The following DGKD variants were observed in gnomAD, a reference collection of about 807,000 sequenced individuals.
DGKD encodes the protein DAG kinase delta.
Under a neutral mutation model 154.4 loss-of-function variants are expected in DGKD, and 68 were observed. The ratio of observed to expected loss-of-function variants is 0.44; its 90% CI spans 0.36 to 0.54. DGKD has a LOEUF of 0.54. Among genes scored for constraint, DGKD ranks in the 20% least tolerant of loss-of-function variants. The probability of loss-of-function intolerance (pLI) is 0.00; values close to 1 mark genes in which losing one functional copy is unlikely to be tolerated. For synonymous variants in DGKD, 693 were observed against 638.0 expected, an observed-to-expected ratio of 1.09 and a Z score of -1.30; for missense variants, 1,343 against 1,593.6, an observed-to-expected ratio of 0.84 and a Z score of 2.68.
Position 233,470,850 on chromosome 2 carries a change from G to T in DGKD, c.*1390G>T, listed in dbSNP as rs1011552136. The T allele has an allele frequency of 1.1e-4, 16 of 152,250 alleles. No homozygotes were observed. Among genetic ancestry groups the T allele is most frequent in the African/African-American group, 3.9e-4 (16 of 41,398 alleles). 9.4% of individuals were successfully genotyped at this position (152,250 alleles called of 1,614,324 possible). A position where few individuals can be genotyped will look rare whatever the true frequency, so the allele number is the denominator to read the frequency against. ...GACAGTGTTGGGAGTATCTGCCGTGGCTTCTCTTTGGCTCCCAAAGAGAAG... is the reference window on the plus strand; with the variant it reads ...GACAGTGTTGGGAGTATCTGCCGTGTCTTCTCTTTGGCTCCCAAAGAGAAG... On this transcript the variant is annotated 3_prime_UTR_variant, in exon 30 of 30. Transcript: ENST00000264057.
chr2:233,453,240 T>G (rs886655270), intron 18 of DGKD, among the ~76,000 whole-genome samples: 1 of 152,260 alleles, frequency 6.6e-6, no homozygotes, highest in East Asian at 1.9e-4. Flanking sequence ...TGGGCCGTAT[T>G]GTGTGGGCCC....
rs1320257930 is a variant in DGKD, at chr2:233,469,467, T to C, written c.*7T>C. The C allele has an allele frequency of 1.3e-6, 2 of 1,590,198 alleles. No individual in the cohort carries two copies. The highest frequency in any genetic ancestry group is 1.7e-6 in the Non-Finnish European group (2 of 1,169,404). On this transcript the variant is annotated 3_prime_UTR_variant, in exon 30 of 30. Transcript: ENST00000264057. ...CCCCGCCGTCGAGGCCTAGCCTCTG[T>C]CCTCTCAGCCTGTGGCCTCCACATC...
In DGKD at chr2:233,459,848, G is replaced by A. The variant is rs762569561; in HGVS notation, c.2786G>A (p.Arg929Gln). The A allele has an allele frequency of 2.4e-5, 38 of 1,613,944 alleles. No homozygotes were observed. The highest frequency in any genetic ancestry group is 5.5e-5 in the South Asian group (5 of 91,074). ...TGGGTCCAGCCGCCAGGGTACATTCGGATTGTCCACAAGAACCGGGCACAG... is the reference window on the plus strand; with the variant it reads ...TGGGTCCAGCCGCCAGGGTACATTCAGATTGTCCACAAGAACCGGGCACAG... ...EAWVQPPGYI[R>Q]IVHKNRAQTL... The change falls in exon 23 of 30, where the codon CGG becomes CAG. Residue 929 changes from arginine (R) to glutamine (Q), a missense_variant. By Grantham distance (43) the Arg-to-Gln change is conservative (BLOSUM62 1). Coordinates refer to ENST00000264057, the MANE Select transcript of DGKD (RefSeq NM_152879.3). This position sits in a 1 kb window ranked among gnomAD's most constrained non-coding sequence, Gnocchi z 5.7.
At chr2:233,467,040 G>A (rs563190445) in intron 27 of DGKD, 46 bp from the exon 28 acceptor site, 1 of 1,469,544 alleles carries the variant, frequency 6.8e-7, no homozygotes, top group African/African-American at 1.4e-5. Context: ...ATGAGGCCGT[G>A]ATCAGTTGCA....
At chr2:233,455,739 G>A (rs558108038) in intron 19 of DGKD, among the ~76,000 whole-genome samples, 58 of 152,334 alleles carry the variant, frequency 3.8e-4, no homozygotes, top group Non-Finnish European at 3.7e-4. Context: ...TCCTCATGGC[G>A]TCACTGCCAC....
chr2:233,357,053 A>G (rs567870331), intron 1 of DGKD, among the ~76,000 whole-genome samples: 69 of 152,238 alleles, frequency 4.5e-4, no homozygotes, highest in Non-Finnish European at 1.6e-4. Flanking sequence ...GGCAACAAGC[A>G]GGAAACTGCT....
At chr2:233,437,508 A>C in intron 8 of DGKD, 29 bp downstream of exon 8, 1,493 of 1,589,268 alleles carry the variant, frequency 9.4e-4, no homozygotes, top group Non-Finnish European at 1.2e-3. Flanking sequence ...TATCCTTCTC[A>C]TGCACGCCCA....
chr2:233,372,539 G>T (rs886110743), intron 1 of DGKD, among the ~76,000 whole-genome samples: 9 of 151,744 alleles, frequency 5.9e-5, no homozygotes, highest in African/African-American at 2.2e-4. Context: ...GAACATTTTT[G>T]TGTGCTTCAA....
rs763765903 is a variant in DGKD at position 233,464,160 on chromosome 2, G to A, written c.3187-4G>A. On this transcript the variant is annotated splice_region_variant and splice_polypyrimidine_tract_variant and intron_variant, in intron 26 of 29. Transcript: ENST00000264057. ...TTCTCTCTCCCTCCCTCCGCCTGGA[G>A]CAGCAGCTGGATCCGCCTCAGAAGG... 5 of 1,613,400 alleles carry A rather than the reference G, an allele frequency of 3.1e-6. No individual in the cohort carries two copies. In the South Asian group the frequency reaches 3.3e-5, roughly 11 times the overall value.
rs762769565 is a variant in DGKD, at chr2:233,457,369, G to A, written c.2580+41G>A. On this transcript the variant is annotated intron_variant, in intron 21 of 29. Coordinates refer to ENST00000264057, the MANE Select transcript of DGKD (RefSeq NM_152879.3). This position sits in a 1 kb window ranked among gnomAD's most constrained non-coding sequence, Gnocchi z 5.5. The stretch of plus-strand genomic sequence containing the variant: ...GAGCGGGTGGGCCTGAGCTCAGTGG[G>A]GAAGAGCTGTCTGAGAGCAGGGGGG... 7.0e-7 allele frequency: 1 copy of A among 1,427,780 alleles called. No homozygotes were observed. The highest frequency in any genetic ancestry group is 1.7e-5 in the Admixed American group (1 of 59,246). The allele number at this position is 1,427,780 out of a possible 1,614,324, so 88.4% of individuals were successfully genotyped here. A position where few individuals can be genotyped will look rare whatever the true frequency, so the allele number is the denominator to read the frequency against.
Position 233,459,933 on chromosome 2 carries a change from T to C in DGKD, c.2829+42T>C, listed in dbSNP as rs568167014. ...GCGGTACCTGGGTGGGGTACAGGGC[T>C]CACCTGTGGGCTCTTGTGTGCACTG... is the stretch of plus-strand genomic sequence containing the variant. On this transcript the variant is annotated intron_variant, in intron 23 of 29. Transcript: ENST00000264057. This position sits in a 1 kb window ranked among gnomAD's most constrained non-coding sequence, Gnocchi z 5.7. 1.9e-5 allele frequency: 31 copies of C among 1,600,108 alleles called. No homozygotes were observed. The East Asian group carries it at 3.8e-4, about 20-fold the overall frequency.
At chr2:233,444,041 A>G (rs1465355424) in intron 10 of DGKD, among the ~76,000 whole-genome samples, 4 of 151,536 alleles carry the variant, frequency 2.6e-5, no homozygotes, top group Admixed American at 6.6e-5. Context: ...TCGCTTTTGA[A>G]CGCTCAGCGA....
At chr2:233,461,162 G>T (rs1457020145) in intron 24 of DGKD, among the ~76,000 whole-genome samples, 1 of 152,208 alleles carries the variant, frequency 6.6e-6, no homozygotes, top group Non-Finnish European at 1.5e-5. Flanking sequence ...TGCGGGTTCC[G>T]CCTGTGAGTC....
At chr2:233,429,532 C>G (rs565648003) in intron 3 of DGKD, among the ~76,000 whole-genome samples, 27 of 152,294 alleles carry the variant, frequency 1.8e-4, no homozygotes, top group African/African-American at 6.3e-4. Context: ...ACTTTGTCGT[C>G]TTCATGGCTG....
intron 16 of DGKD, 149 bp from the exon 17 acceptor site, chr2:233,450,773 C>G (rs1575148247): frequency 1.0e-6 from 1 of 1,004,366 alleles, no homozygotes; most frequent in Non-Finnish European, 1.5e-6. Flanking sequence ...CCTCCGCCCC[C>G]TTCTTTGTCC....
chr2:233,380,461 T>C (rs773612909), intron 1 of DGKD, among the ~76,000 whole-genome samples: 1 of 152,158 alleles, frequency 6.6e-6, no homozygotes, highest in South Asian at 2.1e-4. Context: ...CTAAATGTTG[T>C]ATGTTCATTT....
At chr2:233,456,789 A>G in intron 19 of DGKD, 110 bp from the exon 20 acceptor site, 1 of 785,716 alleles carries the variant, frequency 1.3e-6, no homozygotes, top group Non-Finnish European at 2.1e-6. Context: ...TAATTGCTAA[A>G]TGTAGCTGAT....
chr2:233,432,357 C>T (rs1352375522), intron 3 of DGKD, among the ~76,000 whole-genome samples: 5 of 134,300 alleles, frequency 3.7e-5, no homozygotes, highest in African/African-American at 1.5e-4. Context: ...AACCTCGTCT[C>T]TACTAAAAAT....
intron 3 of DGKD, among the ~76,000 whole-genome samples, chr2:233,398,899 CA>C (rs1478210825): frequency 2.0e-5 from 3 of 152,126 alleles, no homozygotes; most frequent in African/African-American, 7.2e-5. Flanking sequence ...GCTAGGATTA[CA>C]GGTGTGAGCC....
Sources: allele counts gnomAD v4.1 joint callset (sites outside exome capture counted in the v4.1 genomes callset), GRCh38; gene constraint gnomAD v4.1.1; non-coding constraint Gnocchi (gnomAD v3.1); transcripts MANE v1.5; gene names NCBI Gene and HGNC (gene_info 2026-07-23, HGNC 2026-07-21).